Variants in KLHL1 observed in about 807,000 individuals in gnomAD.
The protein encoded by KLHL1 is kelch-like protein 1.
KLHL1 carries 47 observed loss-of-function variants against 77.7 expected under a neutral mutation model. That is an observed-to-expected ratio of 0.60 (90% CI 0.48 to 0.77). The LOEUF (loss-of-function observed/expected upper bound fraction) is 0.77. KLHL1 is among the 30% of genes least tolerant of loss of function. The pLI is 0.00. For synonymous variants in KLHL1, 360 were observed against 325.2 expected, an observed-to-expected ratio of 1.11 and a Z score of -1.15; for missense variants, 925 against 910.8, an observed-to-expected ratio of 1.02 and a Z score of -0.20.
chr13:69,836,607 G>C (rs56249509), intron 6 of KLHL1, among the ~76,000 whole-genome samples: 12,291 of 151,954 alleles, frequency 0.081, 937 homozygotes, highest in African/African-American at 0.2. Context: ...GCAATTTTCT[G>C]TTACTCTAAG....
At chr13:70,025,253 A>C (rs978025) in intron 1 of KLHL1, among the ~76,000 whole-genome samples, 2 of 151,904 alleles carry the variant, frequency 1.3e-5, no homozygotes, top group Non-Finnish European at 1.5e-5. Flanking sequence ...TATAATCTAC[A>C]AGTATAATGT....
chr13:69,876,632 A>G (rs1199826416), intron 5 of KLHL1, among the ~76,000 whole-genome samples: 1 of 152,202 alleles, frequency 6.6e-6, no homozygotes, highest in Non-Finnish European at 1.5e-5. Flanking sequence ...ATAAATGTAC[A>G]TGCACATAAA....
At chr13:70,000,194 C>T (rs982158852) in intron 1 of KLHL1, among the ~76,000 whole-genome samples, 1 of 151,378 alleles carries the variant, frequency 6.6e-6, no homozygotes, top group African/African-American at 2.4e-5. Flanking sequence ...ATTCATGAGG[C>T]AAATTGTAAC....
chr13:70,015,392 C>T (rs950174520), intron 1 of KLHL1, among the ~76,000 whole-genome samples: 1 of 152,068 alleles, frequency 6.6e-6, no homozygotes, highest in African/African-American at 2.4e-5. Context: ...TCTTATGTGA[C>T]CACCATCACC....
chr13:69,764,243 A>G (rs1040987277), intron 7 of KLHL1, among the ~76,000 whole-genome samples: 1 of 152,224 alleles, frequency 6.6e-6, no homozygotes, highest in Non-Finnish European at 1.5e-5. Context: ...ATGTTTAAAT[A>G]AGGCAAATGT....
intron 1 of KLHL1, among the ~76,000 whole-genome samples, chr13:70,019,845 T>C (rs1023228042): frequency 1.3e-5 from 2 of 152,160 alleles, no homozygotes; most frequent in African/African-American, 4.8e-5. Context: ...AATGCGACAG[T>C]GTTAAGATAT....
chr13:70,017,279 G>A (rs544988645), intron 1 of KLHL1, among the ~76,000 whole-genome samples: 1 of 152,272 alleles, frequency 6.6e-6, no homozygotes, highest in African/African-American at 2.4e-5. Flanking sequence ...AAATATAGGG[G>A]CTCCCTGAGC....
chr13:70,080,338 A>G (rs1422601864), intron 1 of KLHL1, among the ~76,000 whole-genome samples: 1 of 152,154 alleles, frequency 6.6e-6, no homozygotes, highest in African/African-American at 2.4e-5. Flanking sequence ...TACTTCCCCA[A>G]ATGAAATCAT....
chr13:69,706,809 G>A (rs1238261613), intron 10 of KLHL1, among the ~76,000 whole-genome samples: 1 of 151,950 alleles, frequency 6.6e-6, no homozygotes, highest in Non-Finnish European at 1.5e-5. Flanking sequence ...TCATAAGCAA[G>A]GCCACAGTAG....
intron 5 of KLHL1, among the ~76,000 whole-genome samples, chr13:69,842,388 C>T (rs1879300687): frequency 6.6e-6 from 1 of 151,638 alleles, no homozygotes. Context: ...AAGGACATGA[C>T]TAGGTATTTC....
intron 1 of KLHL1, among the ~76,000 whole-genome samples, chr13:70,000,165 A>G (rs1885252143): frequency 6.6e-6 from 1 of 152,038 alleles, no homozygotes; most frequent in South Asian, 2.1e-4. Context: ...AAGACATGAA[A>G]TTATAAAAAG....
chr13:69,975,743 T>C lies in KLHL1; in HGVS notation c.557A>G (p.Glu186Gly), dbSNP rs1884526950. 1 of 1,613,534 alleles carries C rather than the reference T, an allele frequency of 6.2e-7. No homozygotes were observed. Among genetic ancestry groups the C allele is most frequent in the Non-Finnish European group, 8.5e-7 (1 of 1,179,814 alleles). Residue 186 changes from glutamate to glycine, a missense_variant, in exon 2 of 11, where the codon GAA (glutamate) becomes GGA (glycine). By Grantham distance (98) the Glu-to-Gly change is moderately conservative. Transcript: ENST00000377844. The stretch of plus-strand genomic sequence containing the variant: ...ATGATGAACAGCTTGATAGAATTCT[T>C]CAGAGCTACTGGAGTCCAAATCACT... ...PQSDLDSSSS[E>G]EFYQAVHHAE...
At chr13:69,767,474 A>T (rs918083047) in intron 7 of KLHL1, among the ~76,000 whole-genome samples, 3 of 152,148 alleles carry the variant, frequency 2.0e-5, no homozygotes, top group African/African-American at 7.2e-5. Context: ...AGGTGGGAGA[A>T]TGGCTTGAGG....
At chr13:69,948,631 A>C (rs1883605668) in intron 3 of KLHL1, among the ~76,000 whole-genome samples, 1 of 152,022 alleles carries the variant, frequency 6.6e-6, no homozygotes, top group South Asian at 2.1e-4. Context: ...TTTTTCTATA[A>C]GATATTTGAA....
At position 69,955,855 on chromosome 13, in the gene KLHL1, G is replaced by A. The variant is rs1381770674; in HGVS notation, c.817+5453C>T. On this transcript the variant is annotated intron_variant, in intron 3 of 10. Transcript: ENST00000377844. ...AAATTGTTTTGCTCCATTTTTAAATGAGAAAATACTAGCATATATATATTT... is the reference window on the plus strand; with the variant it reads ...AAATTGTTTTGCTCCATTTTTAAATAAGAAAATACTAGCATATATATATTT... 7.7e-5 allele frequency among the ~76,000 whole-genome samples: 11 copies of A among 143,064 alleles called. No individual in the cohort carries two copies. The Admixed American group carries it at 8.0e-4, about 10-fold the overall frequency. 93.9% of individuals were successfully genotyped at this position (143,064 alleles called of 152,430 possible). A position where few individuals can be genotyped will look rare whatever the true frequency, so the allele number is the denominator to read the frequency against.
chr13:69,822,688 T>C (rs1005406148), intron 6 of KLHL1, among the ~76,000 whole-genome samples: 2 of 152,124 alleles, frequency 1.3e-5, no homozygotes, highest in African/African-American at 4.8e-5. Context: ...TACAACCTTA[T>C]AACAATAGGC....
chr13:69,793,534 G>A (rs1876967588), intron 7 of KLHL1, among the ~76,000 whole-genome samples: 1 of 151,408 alleles, frequency 6.6e-6, no homozygotes, highest in African/African-American at 2.4e-5. Flanking sequence ...AAAAAAGCTA[G>A]ATAAGTCAAA....
chr13:69,887,750 T>C lies in KLHL1; in HGVS notation c.1015-5255A>G, dbSNP rs1881272001. Among the ~76,000 whole-genome samples, 4 of 152,206 alleles carry C rather than the reference T, an allele frequency of 2.6e-5. No homozygotes were observed. In the South Asian group the frequency reaches 8.3e-4, roughly 31 times the overall value. ...TACTGTCATAGTTCTAGCAACATTC[T>C]GATCACAATGACTTAGGTAATCTGA... On this transcript the variant is annotated intron_variant, in intron 4 of 10. Coordinates refer to ENST00000377844, the MANE Select transcript of KLHL1 (RefSeq NM_020866.3).
chr13:69,856,207 T>TA (rs1229490537), intron 5 of KLHL1, among the ~76,000 whole-genome samples: 2 of 151,778 alleles, frequency 1.3e-5, no homozygotes, highest in Non-Finnish European at 2.9e-5. Flanking sequence ...AAATAAATTT[T>TA]AAAAAAATCT....
Sources: gnomAD v4.1 joint callset for allele counts (sites outside exome capture counted in the v4.1 genomes callset) on GRCh38, gnomAD v4.1.1 for gene constraint, MANE v1.5 for transcripts, NCBI Gene and HGNC (gene_info 2026-07-23, HGNC 2026-07-21) for gene names.